Variants in EEPD1 observed in about 807,000 individuals in gnomAD.
The protein encoded by EEPD1 is endonuclease/exonuclease/phosphatase family domain-containing protein 1.
A neutral mutation model predicts 46.3 loss-of-function variants in EEPD1; 17 were observed. The observed-to-expected ratio is 0.37, with a 90% CI of 0.25 to 0.55. The LOEUF (loss-of-function observed/expected upper bound fraction) is 0.55. EEPD1 is among the 20% of genes least tolerant of loss of function. The pLI is 0.83. For missense variants in EEPD1, 673 were observed against 745.6 expected (o/e 0.90, Z 1.13); for synonymous variants, 313 against 315.6 (o/e 0.99, Z 0.09).
At chr7:36,195,706 A>G (rs73338922) in intron 2 of EEPD1, among the ~76,000 whole-genome samples, 167 of 152,308 alleles carry the variant, frequency 1.1e-3, no homozygotes, top group African/African-American at 3.9e-3. Flanking sequence ...TGTAGAGAAT[A>G]ACAATGTATT....
At chr7:36,180,018 G>T (rs1424773990) in intron 2 of EEPD1, among the ~76,000 whole-genome samples, 1 of 152,168 alleles carries the variant, frequency 6.6e-6, no homozygotes, top group Admixed American at 6.5e-5. Context: ...TCCAAGCGTG[G>T]CTCCTCCCCA....
In EEPD1 at chr7:36,297,359, C is replaced by G. The variant is rs2270319; in HGVS notation, c.1510+172C>G. ...AGAATCCAGGAATCCAGGCCCCTGT[C>G]AGTCCCGCGCTAAGGACCACACAGT... On this transcript the variant is annotated intron_variant, in intron 7 of 7. Coordinates refer to ENST00000242108, the MANE Select transcript of EEPD1 (RefSeq NM_030636.3). 0.24 allele frequency among the ~76,000 whole-genome samples: 36,825 copies of G among 152,164 alleles called. 5,014 individuals are homozygous for G. Among genetic ancestry groups the G allele is most frequent in the Non-Finnish European group, 0.31 (21,067 of 67,994 alleles).
intron 2 of EEPD1, among the ~76,000 whole-genome samples, chr7:36,237,060 G>A (rs1021867761): frequency 5.3e-5 from 8 of 152,200 alleles, no homozygotes; most frequent in African/African-American, 1.9e-4. Context: ...CATTTCTGAA[G>A]TCAGGGAGAC....
intron 2 of EEPD1, among the ~76,000 whole-genome samples, chr7:36,206,120 G>A (rs570369016): frequency 6.6e-6 from 1 of 152,234 alleles, no homozygotes; most frequent in East Asian, 1.9e-4. Flanking sequence ...TGAAGATTGA[G>A]TGATAACAGG....
intron 5 of EEPD1, among the ~76,000 whole-genome samples, chr7:36,286,776 G>A (rs1165740382): frequency 6.6e-6 from 1 of 152,138 alleles, no homozygotes; most frequent in African/African-American, 2.4e-5. Context: ...GGAGACCTCA[G>A]GCTGGCCCTC....
intron 3 of EEPD1, among the ~76,000 whole-genome samples, chr7:36,260,039 A>G (rs1225137325): frequency 6.6e-6 from 1 of 152,218 alleles, no homozygotes; most frequent in Admixed American, 6.5e-5. Context: ...TCTATGTATT[A>G]TAGGCCCAGC....
At chr7:36,279,398 G>T (rs11764972) in intron 3 of EEPD1, among the ~76,000 whole-genome samples, 1 of 152,054 alleles carries the variant, frequency 6.6e-6, no homozygotes, top group Non-Finnish European at 1.5e-5. Flanking sequence ...CCCTTGCCTG[G>T]TTTCATCTTC....
At chr7:36,160,943 T>C (rs1784894674) in intron 2 of EEPD1, among the ~76,000 whole-genome samples, 1 of 152,160 alleles carries the variant, frequency 6.6e-6, no homozygotes, top group African/African-American at 2.4e-5. Context: ...CATGCCTCTG[T>C]ATTATTTTAA....
At position 36,273,129 on chromosome 7, in the gene EEPD1, T is replaced by TACACACACAC. The variant is rs10578694; in HGVS notation, c.931-7963_931-7954dup. On this transcript the variant is annotated intron_variant, in intron 3 of 7. Coordinates refer to ENST00000242108, the MANE Select transcript of EEPD1 (RefSeq NM_030636.3). ...AGTTGGAATGCATTTGGTGCATGCT[T>TACACACACAC]ACACACACACACACACACACACACA... 8.9e-3 allele frequency among the ~76,000 whole-genome samples: 1,329 copies of TACACACACAC among 148,522 alleles called. 8 individuals are homozygous for TACACACACAC. The highest frequency in any genetic ancestry group is 0.021 in the Middle Eastern group (6 of 290).
At chr7:36,183,435 C>T (rs868027753) in intron 2 of EEPD1, among the ~76,000 whole-genome samples, 12 of 152,234 alleles carry the variant, frequency 7.9e-5, no homozygotes, top group Middle Eastern at 3.4e-3. Context: ...GCTGCACGCC[C>T]GGCTTCTGTC....
At chr7:36,182,432 G>T (rs1259702411) in intron 2 of EEPD1, among the ~76,000 whole-genome samples, 1 of 152,178 alleles carries the variant, frequency 6.6e-6, no homozygotes. Flanking sequence ...TTCTCAGAGT[G>T]CCTCTCTTTA....
At chr7:36,191,429 C>T (rs1251853773) in intron 2 of EEPD1, among the ~76,000 whole-genome samples, 1 of 152,106 alleles carries the variant, frequency 6.6e-6, no homozygotes, top group Admixed American at 6.5e-5. Flanking sequence ...TCAGATAGAA[C>T]AAGAGAGTGC....
chr7:36,207,592 GGACGGGGATAA>G (rs1355399002), intron 2 of EEPD1, among the ~76,000 whole-genome samples: 1 of 152,164 alleles, frequency 6.6e-6, no homozygotes, highest in African/African-American at 2.4e-5. Context: ...AAGGTCTTTA[GGACGGGGATAA>G]GCGTGGGAAG....
chr7:36,214,207 C>T (rs1450627743), intron 2 of EEPD1, among the ~76,000 whole-genome samples: 1 of 152,052 alleles, frequency 6.6e-6, no homozygotes, highest in Non-Finnish European at 1.5e-5. Flanking sequence ...TTGGGAAAAG[C>T]CGTAGAAGCT....
At chr7:36,163,346 C>T (rs961777410) in intron 2 of EEPD1, among the ~76,000 whole-genome samples, 1 of 151,604 alleles carries the variant, frequency 6.6e-6, no homozygotes, top group African/African-American at 2.4e-5. Flanking sequence ...ACTTCATGTC[C>T]CTCTACTCTC....
intron 2 of EEPD1, among the ~76,000 whole-genome samples, chr7:36,190,387 A>T (rs1161341754): frequency 6.6e-6 from 1 of 152,136 alleles, no homozygotes; most frequent in African/African-American, 2.4e-5. Context: ...AACAAATATA[A>T]CACATGGTGA....
intron 3 of EEPD1, among the ~76,000 whole-genome samples, chr7:36,269,106 C>A (rs182906478): frequency 1.3e-5 from 2 of 152,286 alleles, no homozygotes; most frequent in East Asian, 3.9e-4. Context: ...TAGACATTCC[C>A]GCCAAGTTCT....
intron 2 of EEPD1, among the ~76,000 whole-genome samples, chr7:36,182,587 C>G (rs1052202957): frequency 1.3e-5 from 2 of 152,284 alleles, no homozygotes; most frequent in Non-Finnish European, 2.9e-5. Context: ...CACCAAACCA[C>G]TCGCCAGCGT....
At chr7:36,208,328 T>G (rs1043128574) in intron 2 of EEPD1, among the ~76,000 whole-genome samples, 2 of 152,246 alleles carry the variant, frequency 1.3e-5, no homozygotes, top group Non-Finnish European at 2.9e-5. Flanking sequence ...CCTCCCTCAT[T>G]TGCTTCACAG....
Sources: allele counts gnomAD v4.1 joint callset (sites outside exome capture counted in the v4.1 genomes callset), GRCh38; gene constraint gnomAD v4.1.1; transcripts MANE v1.5; gene names NCBI Gene and HGNC (gene_info 2026-07-23, HGNC 2026-07-21).